NOL4L: variants seen among roughly 807,000 people sequenced by gnomAD.
The protein encoded by NOL4L is nucleolar protein 4-like.
In NOL4L, 7 loss-of-function variants were observed where a neutral mutation model predicts 64.5. The observed-to-expected ratio is 0.11, with a 90% CI of 0.06 to 0.20. NOL4L has a LOEUF of 0.20. NOL4L is among the 10% of genes least tolerant of loss of function. The pLI, the probability that NOL4L is intolerant of heterozygous loss-of-function variation, is 1.00. For synonymous variants in NOL4L, 413 were observed against 401.0 expected (o/e 1.03, Z -0.36); for missense variants, 680 against 967.1 (o/e 0.70, Z 3.94).
intron 1 of NOL4L, among the ~76,000 whole-genome samples, chr20:32,584,232 G>A (rs1410854281): frequency 1.3e-5 from 2 of 150,848 alleles, no homozygotes; most frequent in South Asian, 2.1e-4. Context: ...CGGGGCGGGC[G>A]GGGGGAGGCT....
At chr20:32,515,862 G>A (rs1191127971) in intron 3 of NOL4L, among the ~76,000 whole-genome samples, 2 of 152,186 alleles carry the variant, frequency 1.3e-5, no homozygotes, top group African/African-American at 4.8e-5. Flanking sequence ...CACAACAAGA[G>A]CCCAGAGAGA....
intron 10 of NOL4L, 148 bp from the exon 11 acceptor site, chr20:32,447,964 T>C (rs1011441046): frequency 1.8e-6 from 2 of 1,083,254 alleles, no homozygotes; most frequent in African/African-American, 1.6e-5. Flanking sequence ...ATCTCCCTGA[T>C]GGCTCTATCC....
chr20:32,531,854 G>A (rs980952102), intron 1 of NOL4L, among the ~76,000 whole-genome samples: 7 of 152,058 alleles, frequency 4.6e-5, no homozygotes, highest in Non-Finnish European at 8.8e-5. Flanking sequence ...TCCCTCTGAC[G>A]CGTCCAGAGG....
chr20:32,465,980 CTT>C (rs34290597), intron 5 of NOL4L, among the ~76,000 whole-genome samples: 18 of 129,080 alleles, frequency 1.4e-4, no homozygotes, highest in Admixed American at 1.5e-4. Flanking sequence ...CACCTCCATT[CTT>C]TTTTTTTTTT....
chr20:32,454,620 G>A (rs1266464316), intron 6 of NOL4L, among the ~76,000 whole-genome samples: 6 of 152,192 alleles, frequency 3.9e-5, no homozygotes, highest in Admixed American at 2.0e-4. Context: ...CCCCTGCCTC[G>A]GGGCACCGCT....
intron 2 of NOL4L, among the ~76,000 whole-genome samples, chr20:32,526,976 T>A (rs1042818671): frequency 1.6e-4 from 25 of 152,266 alleles, no homozygotes; most frequent in African/African-American, 5.8e-4. Flanking sequence ...GTCTGGCCAG[T>A]CCCATCTATT....
At chr20:32,566,864 C>T (rs1979463505) in intron 1 of NOL4L, among the ~76,000 whole-genome samples, 1 of 152,198 alleles carries the variant, frequency 6.6e-6, no homozygotes, top group Admixed American at 6.5e-5. Context: ...TGTCAGCCTG[C>T]CCTAGAACGT....
At chr20:32,506,372 A>G (rs1185128807) in intron 4 of NOL4L, among the ~76,000 whole-genome samples, 1 of 152,012 alleles carries the variant, frequency 6.6e-6, no homozygotes, top group Non-Finnish European at 1.5e-5. Flanking sequence ...CATTTTAAAA[A>G]TAAGCCAGGC....
In NOL4L at chr20:32,452,866, G is replaced by A; in HGVS notation, c.1620+18C>T. 1.9e-6 allele frequency: 3 copies of A among 1,613,262 alleles called. No individual in the cohort carries two copies. Among genetic ancestry groups the A allele is most frequent in the Non-Finnish European group, 1.7e-6 (2 of 1,179,742 alleles). ...GCTGCCCAGGAGCGGCCCCTGTAGT[G>A]GCTGCGGTGGCAGGTACCTGTGAGG... On this transcript the variant is annotated intron_variant, in intron 9 of 10. Transcript: ENST00000621426.
chr20:32,459,146 C>G (rs2013817902), intron 5 of NOL4L, among the ~76,000 whole-genome samples: 2 of 152,142 alleles, frequency 1.3e-5, no homozygotes. Flanking sequence ...GGTGCTAGGA[C>G]CTCGTATGGC....
At chr20:32,572,737 G>A (rs1979830958) in intron 1 of NOL4L, among the ~76,000 whole-genome samples, 1 of 152,094 alleles carries the variant, frequency 6.6e-6, no homozygotes, top group South Asian at 2.1e-4. Flanking sequence ...TCTGGGGGCT[G>A]GGGCCCTGTC....
intron 1 of NOL4L, among the ~76,000 whole-genome samples, chr20:32,530,648 A>G (rs1483387726): frequency 6.6e-6 from 1 of 151,846 alleles, no homozygotes; most frequent in Non-Finnish European, 1.5e-5. Flanking sequence ...TTGGCCGGGA[A>G]TGGTGGCTCA....
At chr20:32,535,545 C>A (rs923859928) in intron 1 of NOL4L, 189 of 980,716 alleles carry the variant, frequency 1.9e-4, no homozygotes, top group Non-Finnish European at 2.2e-4. Context: ...CTCACATATT[C>A]CAAGACCTCC....
chr20:32,516,343 G>A (rs2017657234), intron 3 of NOL4L, among the ~76,000 whole-genome samples: 2 of 152,146 alleles, frequency 1.3e-5, no homozygotes, highest in South Asian at 4.1e-4. Flanking sequence ...AGTCTTCGAG[G>A]AGTGCTGATG....
chr20:32,543,989 G>A (rs1000478662), intron 1 of NOL4L, among the ~76,000 whole-genome samples: 1 of 152,124 alleles, frequency 6.6e-6, no homozygotes, highest in Admixed American at 6.6e-5. Context: ...GCAGGCGGCC[G>A]GCATCGTGGG....
intron 2 of NOL4L, among the ~76,000 whole-genome samples, chr20:32,525,836 C>A (rs1336739855): frequency 6.6e-6 from 1 of 152,206 alleles, no homozygotes; most frequent in Non-Finnish European, 1.5e-5. Flanking sequence ...CAGCTCACTG[C>A]AACCTCTGTT....
chr20:32,564,753 G>A (rs17123396), intron 1 of NOL4L, among the ~76,000 whole-genome samples: 17,958 of 152,274 alleles, frequency 0.12, 1,371 homozygotes, highest in East Asian at 0.22. Flanking sequence ...CTGCACAAAG[G>A]TGGGCTCCCT....
intron 4 of NOL4L, among the ~76,000 whole-genome samples, chr20:32,478,663 TG>T (rs2015548300): frequency 6.6e-6 from 1 of 152,166 alleles, no homozygotes; most frequent in African/African-American, 2.4e-5. Context: ...AGTACAGTGG[TG>T]CAATAGTGGC....
intron 2 of NOL4L, among the ~76,000 whole-genome samples, chr20:32,524,472 C>T (rs189997255): frequency 1.1e-3 from 166 of 152,348 alleles, no homozygotes; most frequent in Non-Finnish European, 1.7e-3. Context: ...TAACACGCCT[C>T]ATTTAGTGCA....
Sources: gnomAD v4.1 joint callset for allele counts (sites outside exome capture counted in the v4.1 genomes callset) on GRCh38, gnomAD v4.1.1 for gene constraint, MANE v1.5 for transcripts, NCBI Gene and HGNC (gene_info 2026-07-23, HGNC 2026-07-21) for gene names.